QRFPR: variants seen among roughly 807,000 people sequenced by gnomAD.
QRFPR encodes pyroglutamylated RFamide peptide receptor.
In QRFPR, 37 loss-of-function variants were observed where a neutral mutation model predicts 31.3. The observed-to-expected ratio is 1.18, with a 90% confidence interval of 0.91 to 1.56. The LOEUF is 1.56. Among genes scored for constraint, QRFPR ranks in the 40% most tolerant of loss-of-function variants. The probability of loss-of-function intolerance (pLI) is 0.00; values close to 1 mark genes in which losing one functional copy is unlikely to be tolerated. For synonymous variants in QRFPR, 197 were observed against 192.0 expected (o/e 1.03, Z -0.22); for missense variants, 542 against 532.5 (o/e 1.02, Z -0.18).
intron 1 of QRFPR, among the ~76,000 whole-genome samples, chr4:121,373,989 T>C (rs1436936901): frequency 6.6e-6 from 1 of 152,182 alleles, no homozygotes; most frequent in African/African-American, 2.4e-5. Context: ...CTACTACCAT[T>C]CTGTTACCCG....
At position 121,329,538 on chromosome 4, in the gene QRFPR, G is replaced by A. The variant is rs1725282097; in HGVS notation, c.1072C>T (p.Pro358Ser). Reference sequence around the variant, plus strand: ...CCTGAATTTCCATGCCTTTGTGCTGGAGAGAAGGTTTTATTTACTATGCAA... The same window carrying A: ...CCTGAATTTCCATGCCTTTGTGCTGAAGAGAAGGTTTTATTTACTATGCAA... ...CYCIVNKTFS[P>S]AQRHGNSGIT... The change falls in exon 6 of 6, where the codon CCA (proline) becomes TCA (serine). Residue 358 changes from proline to serine, a missense_variant. By Grantham distance (74) the Pro-to-Ser change is moderately conservative (BLOSUM62 -1). Transcript: ENST00000394427. 6.2e-7 allele frequency: 1 copy of A among 1,613,706 alleles called. No homozygotes were observed. Among genetic ancestry groups the A allele is most frequent in the Admixed American group, 1.7e-5 (1 of 59,952 alleles).
intron 1 of QRFPR, among the ~76,000 whole-genome samples, chr4:121,353,206 G>A (rs1725797098): frequency 6.6e-6 from 1 of 152,076 alleles, no homozygotes; most frequent in Non-Finnish European, 1.5e-5. Flanking sequence ...TCAATATATT[G>A]ATTTCCTTTC....
intron 1 of QRFPR, among the ~76,000 whole-genome samples, chr4:121,373,054 T>C (rs918987473): frequency 5.3e-5 from 8 of 152,176 alleles, no homozygotes; most frequent in Admixed American, 2.0e-4. Context: ...AGAGGTAGAA[T>C]ATTCCCTTTT....
At position 121,368,410 on chromosome 4, in the gene QRFPR, C is replaced by A. The variant is rs1298258463; in HGVS notation, c.340+11898G>T. ...TCTTAGGAAGCTTTTAACCAAATTG[C>A]AGCTAAATTAATCTCACTTTAAAGT... On this transcript the variant is annotated intron_variant, in intron 1 of 5. Coordinates refer to ENST00000394427, the MANE Select transcript of QRFPR (RefSeq NM_198179.3). Among the ~76,000 whole-genome samples, 4 of 150,348 alleles carry A rather than the reference C, an allele frequency of 2.7e-5. 1 individual carries two copies. In the East Asian group the frequency reaches 7.9e-4, roughly 30 times the overall value.
rs1331988097 is a variant in QRFPR at position 121,340,236 on chromosome 4, G to T, written c.499+216C>A. On this transcript the variant is annotated intron_variant, in intron 2 of 5. Coordinates refer to ENST00000394427, the MANE Select transcript of QRFPR (RefSeq NM_198179.3). Reference sequence around the variant, plus strand: ...AACGTTTAAGATGTAAACTGAAAAAGTATACCCAAAATGATACATTTTCAG... The same window carrying T: ...AACGTTTAAGATGTAAACTGAAAAATTATACCCAAAATGATACATTTTCAG... The T allele has an allele frequency of 4.1e-5, 22 of 540,934 alleles. No individual in the cohort carries two copies. In the East Asian group the frequency reaches 7.3e-4, roughly 18 times the overall value. 33.5% of individuals were successfully genotyped at this position (540,934 alleles called of 1,614,324 possible). A position where few individuals can be genotyped will look rare whatever the true frequency, so the allele number is the denominator to read the frequency against.
intron 1 of QRFPR, 112 bp downstream of exon 1, chr4:121,380,195 GA>G (rs1328159016): frequency 0.49 from 197,824 of 407,510 alleles, 50,477 homozygotes; most frequent in Non-Finnish European, 0.52. Flanking sequence ...AGGAGAGAGA[GA>G]GAGAGAGAGA....
At chr4:121,359,823 A>G (rs1725952553) in intron 1 of QRFPR, among the ~76,000 whole-genome samples, 1 of 151,062 alleles carries the variant, frequency 6.6e-6, no homozygotes, top group African/African-American at 2.4e-5. Flanking sequence ...GTGTGTATAT[A>G]TATATCTCTC....
At chr4:121,379,495 G>T (rs1260333170) in intron 1 of QRFPR, among the ~76,000 whole-genome samples, 1 of 152,196 alleles carries the variant, frequency 6.6e-6, no homozygotes, top group Non-Finnish European at 1.5e-5. Context: ...CTGCTCCTGG[G>T]TTTACACCAG....
At chr4:121,351,252 G>A (rs1269448889) in intron 1 of QRFPR, among the ~76,000 whole-genome samples, 1 of 152,168 alleles carries the variant, frequency 6.6e-6, no homozygotes, top group Non-Finnish European at 1.5e-5. Flanking sequence ...TTGATATTGT[G>A]AGTCTCACAA....
rs749933495 is a variant in QRFPR at position 121,380,661 on chromosome 4, C to T, written c.-14G>A. On this transcript the variant is annotated 5_prime_UTR_variant, in exon 1 of 6. Transcript: ENST00000394427. The stretch of plus-strand genomic sequence containing the variant: ...AAGCGCCTGCATTGCTGTGCGCTCC[C>T]GGGACGCGGGGCCACCGCCCGCTAC... 2.0e-6 allele frequency: 3 copies of T among 1,492,786 alleles called. No homozygotes were observed. The Admixed American group carries it at 6.8e-5, about 34-fold the overall frequency. 92.5% of individuals were successfully genotyped at this position (1,492,786 alleles called of 1,614,324 possible). A position where few individuals can be genotyped will look rare whatever the true frequency, so the allele number is the denominator to read the frequency against.
At chr4:121,343,134 G>A (rs568139155) in intron 1 of QRFPR, among the ~76,000 whole-genome samples, 1 of 152,188 alleles carries the variant, frequency 6.6e-6, no homozygotes, top group Non-Finnish European at 1.5e-5. Flanking sequence ...GAAACTGTGG[G>A]ACTGTATCGG....
chr4:121,330,002 C>A (rs62319015), intron 5 of QRFPR, among the ~76,000 whole-genome samples: 17,219 of 152,166 alleles, frequency 0.11, 1,025 homozygotes, highest in Non-Finnish European at 0.13. Flanking sequence ...CTGGAAGCAG[C>A]AGTAACCCTT....
chr4:121,370,305 C>T (rs1726212315), intron 1 of QRFPR: 1 of 775,262 alleles, frequency 1.3e-6, no homozygotes, highest in South Asian at 1.3e-5. Flanking sequence ...TAGAGGCCCA[C>T]TAGCCTCAAG....
chr4:121,352,104 T>TA (rs1179851309), intron 1 of QRFPR, among the ~76,000 whole-genome samples: 2 of 152,182 alleles, frequency 1.3e-5, no homozygotes, highest in Non-Finnish European at 2.9e-5. Context: ...GCGGTTGGAA[T>TA]AAATATTTTT....
intron 1 of QRFPR, among the ~76,000 whole-genome samples, chr4:121,347,274 G>T (rs1030408214): frequency 6.6e-6 from 1 of 152,082 alleles, no homozygotes; most frequent in Non-Finnish European, 1.5e-5. Flanking sequence ...CAATAAAAAA[G>T]AATAGGTGCC....
intron 1 of QRFPR, among the ~76,000 whole-genome samples, chr4:121,379,949 GAAAT>G (rs1378849729): frequency 6.6e-6 from 1 of 152,056 alleles, no homozygotes; most frequent in East Asian, 1.9e-4. Context: ...AAAGGGAGCT[GAAAT>G]AAGTGGCGAG....
At position 121,380,920 on chromosome 4, in the gene QRFPR, T is replaced by G; in HGVS notation, c.-273A>C. The stretch of plus-strand genomic sequence containing the variant: ...AATGTTCGCGGTTCAAATAAAGTTC[T>G]TCCCTTGCTCTTCCCTAAGGCGAGG... On this transcript the variant is annotated 5_prime_UTR_variant, in exon 1 of 6. Transcript: ENST00000394427. The G allele has an allele frequency of 1.1e-5, 5 of 451,240 alleles. No homozygotes were observed. Among genetic ancestry groups the G allele is most frequent in the Non-Finnish European group, 7.8e-6 (2 of 254,860 alleles). The allele number at this position is 451,240 out of a possible 1,614,324, so 28.0% of individuals were successfully genotyped here.
chr4:121,369,569 G>A, intron 1 of QRFPR: 1 of 1,610,810 alleles, frequency 6.2e-7, no homozygotes, highest in African/African-American at 1.3e-5. Flanking sequence ...CATTCGGTTG[G>A]CCTGGGCACG....
intron 2 of QRFPR, among the ~76,000 whole-genome samples, chr4:121,337,345 C>A (rs373509770): frequency 6.6e-6 from 1 of 152,198 alleles, no homozygotes; most frequent in Non-Finnish European, 1.5e-5. Flanking sequence ...TCTAGGGAAA[C>A]TTTGAAGGTC....
Sources: gnomAD v4.1 joint callset for allele counts (sites outside exome capture counted in the v4.1 genomes callset) on GRCh38, gnomAD v4.1.1 for gene constraint, MANE v1.5 for transcripts, NCBI Gene and HGNC (gene_info 2026-07-23, HGNC 2026-07-21) for gene names.